KLHL1: variants seen among roughly 807,000 people sequenced by gnomAD.
KLHL1 encodes the protein kelch-like protein 1.
In KLHL1, 47 loss-of-function variants were observed where a neutral mutation model predicts 77.7. The ratio of observed to expected loss-of-function variants is 0.60; its 90% CI spans 0.48 to 0.77. KLHL1 has a LOEUF of 0.77. KLHL1 is among the 30% of genes least tolerant of loss of function. The probability of loss-of-function intolerance (pLI) is 0.00; values close to 1 mark genes in which losing one functional copy is unlikely to be tolerated. For synonymous variants in KLHL1, 360 were observed against 325.2 expected (o/e 1.11, Z -1.15); for missense variants, 925 against 910.8 (o/e 1.02, Z -0.20).
intron 1 of KLHL1, among the ~76,000 whole-genome samples, chr13:70,080,553 T>C (rs1262037133): frequency 6.6e-6 from 1 of 152,116 alleles, no homozygotes. Context: ...ATGTTAGATT[T>C]GGTTGTTTAT....
At chr13:69,787,700 A>C (rs964152275) in intron 7 of KLHL1, among the ~76,000 whole-genome samples, 3 of 152,216 alleles carry the variant, frequency 2.0e-5, no homozygotes, top group Non-Finnish European at 2.9e-5. Flanking sequence ...CAGCAAAAGA[A>C]ACTACCATCA....
intron 1 of KLHL1, among the ~76,000 whole-genome samples, chr13:70,019,490 G>A (rs1829457088): frequency 6.6e-6 from 1 of 152,012 alleles, no homozygotes; most frequent in Non-Finnish European, 1.5e-5. Flanking sequence ...GCTAGTGGGA[G>A]GGCAGAGGCT....
intron 5 of KLHL1, among the ~76,000 whole-genome samples, chr13:69,842,147 T>C (rs75084747): frequency 0.081 from 12,246 of 151,908 alleles, 932 homozygotes; most frequent in African/African-American, 0.2. Context: ...AAAGGATTTA[T>C]GACTAAGACA....
chr13:70,098,863 C>T (rs1401906936), intron 1 of KLHL1, among the ~76,000 whole-genome samples: 1 of 151,520 alleles, frequency 6.6e-6, no homozygotes, highest in East Asian at 1.9e-4. Context: ...CATGTAGCTT[C>T]AATGTGAATA....
intron 1 of KLHL1, among the ~76,000 whole-genome samples, chr13:70,046,365 G>A (rs530446374): frequency 6.6e-6 from 1 of 152,300 alleles, no homozygotes; most frequent in East Asian, 1.9e-4. Flanking sequence ...TACAAGTGAA[G>A]AACATGTCAC....
At chr13:69,769,351 A>G (rs1279843439) in intron 7 of KLHL1, among the ~76,000 whole-genome samples, 3 of 152,162 alleles carry the variant, frequency 2.0e-5, no homozygotes, top group Non-Finnish European at 2.9e-5. Context: ...AGTGTATAAT[A>G]GTATAGGGGA....
chr13:70,061,697 T>C (rs1886892449), intron 1 of KLHL1, among the ~76,000 whole-genome samples: 1 of 152,174 alleles, frequency 6.6e-6, no homozygotes, highest in Non-Finnish European at 1.5e-5. Flanking sequence ...AAGGCTTATC[T>C]CAATTCTCTT....
intron 7 of KLHL1, among the ~76,000 whole-genome samples, chr13:69,780,799 A>ACTT (rs1470523529): frequency 1.4e-5 from 2 of 145,820 alleles, no homozygotes; most frequent in Non-Finnish European, 3.0e-5. Flanking sequence ...AAGAAATATT[A>ACTT]CTTCAAGTAC....
chr13:69,791,083 T>C (rs539020175), intron 7 of KLHL1, among the ~76,000 whole-genome samples: 2 of 151,834 alleles, frequency 1.3e-5, no homozygotes, highest in Admixed American at 6.6e-5. Flanking sequence ...GAAAAAATAA[T>C]AATAAATACA....
intron 6 of KLHL1, among the ~76,000 whole-genome samples, chr13:69,819,304 A>T (rs1188937030): frequency 6.6e-6 from 1 of 152,244 alleles, no homozygotes; most frequent in African/African-American, 2.4e-5. Context: ...GTAATTTACT[A>T]ATTTAAATTA....
intron 1 of KLHL1, among the ~76,000 whole-genome samples, chr13:70,013,759 T>C (rs1412548566): frequency 6.6e-6 from 1 of 152,176 alleles, no homozygotes; most frequent in Non-Finnish European, 1.5e-5. Flanking sequence ...AGTAGAAGCT[T>C]GTTATCTCAC....
At chr13:69,901,617 A>C (rs1399657268) in intron 4 of KLHL1, among the ~76,000 whole-genome samples, 2 of 152,198 alleles carry the variant, frequency 1.3e-5, no homozygotes, top group Admixed American at 6.5e-5. Flanking sequence ...TTACTGTAAC[A>C]TTTTAAAGGG....
At chr13:69,843,116 C>CA (rs202182045) in intron 5 of KLHL1, among the ~76,000 whole-genome samples, 1,852 of 151,574 alleles carry the variant, frequency 0.012, 42 homozygotes, top group African/African-American at 0.042. Flanking sequence ...GGATTAAATT[C>CA]AATGTATGAT....
intron 8 of KLHL1, among the ~76,000 whole-genome samples, chr13:69,733,282 G>C (rs1372408346): frequency 2.6e-5 from 4 of 151,594 alleles, no homozygotes; most frequent in African/African-American, 7.3e-5. Flanking sequence ...CAAAAAGATA[G>C]AATGTAAGTA....
intron 4 of KLHL1, among the ~76,000 whole-genome samples, chr13:69,939,200 T>A (rs1442580895): frequency 2.0e-5 from 3 of 151,096 alleles, no homozygotes; most frequent in African/African-American, 7.3e-5. Context: ...TTGTAACTGG[T>A]TATTCTATCC....
At chr13:69,737,993 A>G (rs1340193915) in intron 8 of KLHL1, among the ~76,000 whole-genome samples, 2 of 152,176 alleles carry the variant, frequency 1.3e-5, no homozygotes, top group Non-Finnish European at 2.9e-5. Flanking sequence ...TCAGGCTGGC[A>G]TCAGGTTGGT....
chr13:69,912,061 T>C (rs969797087), intron 4 of KLHL1, among the ~76,000 whole-genome samples: 2 of 152,144 alleles, frequency 1.3e-5, no homozygotes, highest in Admixed American at 6.6e-5. Flanking sequence ...AGTCTCAACT[T>C]GTTAAGATAA....
In KLHL1 at chr13:69,792,721, C is replaced by T. The variant is rs184669834; in HGVS notation, c.1639+4017G>A. On this transcript the variant is annotated intron_variant, in intron 7 of 10. Transcript: ENST00000377844. ...TTCATCCATAAACGGAATGAAATAT[C>T]GATATACACTACCTGAAATTGACTT... Among the ~76,000 whole-genome samples, 13 of 152,072 alleles carry T rather than the reference C, an allele frequency of 8.5e-5. No individual in the cohort carries two copies. In the East Asian group the frequency reaches 2.1e-3, roughly 25 times the overall value.
chr13:69,922,595 G>A (rs1882679465), intron 4 of KLHL1, among the ~76,000 whole-genome samples: 1 of 152,092 alleles, frequency 6.6e-6, no homozygotes, highest in Non-Finnish European at 1.5e-5. Flanking sequence ...ATAATAAAAT[G>A]TTATTTCATT....
Sources: gnomAD v4.1 joint callset for allele counts (sites outside exome capture counted in the v4.1 genomes callset) on GRCh38, gnomAD v4.1.1 for gene constraint, MANE v1.5 for transcripts, NCBI Gene and HGNC (gene_info 2026-07-23, HGNC 2026-07-21) for gene names.